PAK1: variants seen among roughly 807,000 people sequenced by gnomAD.
PAK1 encodes serine/threonine-protein kinase PAK 1.
A neutral mutation model predicts 67.4 loss-of-function variants in PAK1; 29 were observed. That is an observed-to-expected ratio of 0.43 (90% CI 0.32 to 0.59). The LOEUF (loss-of-function observed/expected upper bound fraction) is 0.59, where lower values mean the gene tolerates loss of function less well. Ranked by LOEUF, PAK1 falls within the 20% of genes least tolerant of loss-of-function variation. The pLI is 0.07. For missense variants in PAK1, 337 were observed against 670.7 expected, an observed-to-expected ratio of 0.50 and a Z score of 5.50; for synonymous variants, 223 against 237.4, an observed-to-expected ratio of 0.94 and a Z score of 0.56.
chr11:77,522,274 G>A, the PAK1 span, among the ~76,000 whole-genome samples: 1 of 152,180 alleles, frequency 6.6e-6, no homozygotes, highest in Admixed American at 6.5e-5. Context: ...TGGTTCCTGG[G>A]CCTGCTGGAA....
chr11:77,344,877 C>T (rs1178141791), intron 9 of PAK1, among the ~76,000 whole-genome samples: 1 of 152,128 alleles, frequency 6.6e-6, no homozygotes, highest in Admixed American at 6.5e-5. Flanking sequence ...CATGATCTGG[C>T]CCCTACTTTA....
At chr11:77,377,238 G>A (rs1210815648) in intron 4 of PAK1, among the ~76,000 whole-genome samples, 1 of 152,050 alleles carries the variant, frequency 6.6e-6, no homozygotes, top group African/African-American at 2.4e-5. Flanking sequence ...TCACACCACA[G>A]GACTCCAGCA....
At chr11:77,391,709 CA>C (rs1294259167) in intron 2 of PAK1, among the ~76,000 whole-genome samples, 2 of 152,266 alleles carry the variant, frequency 1.3e-5, no homozygotes, top group Non-Finnish European at 1.5e-5. Flanking sequence ...ATTAAATCAA[CA>C]GTGTTAAAAT....
chr11:77,472,508 T>A (rs1458582165), intron 1 of PAK1, among the ~76,000 whole-genome samples: 1 of 152,182 alleles, frequency 6.6e-6, no homozygotes, highest in African/African-American at 2.4e-5. Flanking sequence ...AGTCCGGTGC[T>A]TGCTACTTGC....
chr11:77,491,660 A>G, the PAK1 span, among the ~76,000 whole-genome samples: 1 of 152,256 alleles, frequency 6.6e-6, no homozygotes, highest in Non-Finnish European at 1.5e-5. Context: ...TGCAAGCCTC[A>G]TGATAACCTC....
chr11:77,449,458 T>C (rs1565710947), intron 1 of PAK1, among the ~76,000 whole-genome samples: 1 of 151,728 alleles, frequency 6.6e-6, no homozygotes, highest in African/African-American at 2.4e-5. Context: ...ATAGAGAAAC[T>C]GAAGCCCAGA....
At chr11:77,499,942 C>T in the PAK1 span, among the ~76,000 whole-genome samples, 5 of 152,256 alleles carry the variant, frequency 3.3e-5, no homozygotes, top group East Asian at 1.9e-4. Flanking sequence ...CCAGCATCAG[C>T]GAACACTTCC....
intron 1 of PAK1, among the ~76,000 whole-genome samples, chr11:77,430,961 T>C (rs549129390): frequency 1.8e-4 from 27 of 152,318 alleles, no homozygotes; most frequent in Non-Finnish European, 3.5e-4. Context: ...TAGATTCTGA[T>C]AGGAGCACAA....
intron 13 of PAK1, among the ~76,000 whole-genome samples, chr11:77,333,360 A>G (rs919986072): frequency 6.6e-6 from 1 of 151,384 alleles, no homozygotes; most frequent in Non-Finnish European, 1.5e-5. Flanking sequence ...ACTACACCCG[A>G]CTGCTTTTCG....
chr11:77,347,199 T>A, intron 9 of PAK1: 1 of 405,986 alleles, frequency 2.5e-6, no homozygotes, highest in Non-Finnish European at 4.9e-6. Context: ...TTCTCTTTCC[T>A]CTGGCCAGCT....
At chr11:77,524,968 CAAATT>C in the PAK1 span, among the ~76,000 whole-genome samples, 1 of 152,238 alleles carries the variant, frequency 6.6e-6, no homozygotes, top group East Asian at 1.9e-4. Context: ...GACTTACAAA[CAAATT>C]AAAGACAAAA....
At chr11:77,478,053 C>G (rs1958078229), upstream of PAK1, among the ~76,000 whole-genome samples, 1 of 152,186 alleles carries the variant, frequency 6.6e-6, no homozygotes. Flanking sequence ...GTAAGCTATT[C>G]CAGGGTGCAC....
chr11:77,434,899 A>G (rs1318838351), intron 1 of PAK1, among the ~76,000 whole-genome samples: 1 of 152,022 alleles, frequency 6.6e-6, no homozygotes, highest in Non-Finnish European at 1.5e-5. Context: ...GATTACAGAC[A>G]TAAGCCACCA....
intron 8 of PAK1, among the ~76,000 whole-genome samples, chr11:77,352,638 T>G (rs986158216): frequency 1.3e-4 from 20 of 152,190 alleles, no homozygotes; most frequent in African/African-American, 3.9e-4. Flanking sequence ...CAACTTCCAG[T>G]CCTACAAGCT....
intron 9 of PAK1, among the ~76,000 whole-genome samples, chr11:77,344,266 A>C (rs1224944028): frequency 1.3e-5 from 2 of 152,254 alleles, no homozygotes; most frequent in Non-Finnish European, 2.9e-5. Context: ...AATACTTTTA[A>C]AAAGTCACAA....
At chr11:77,475,663 G>A (rs1958050979), upstream of PAK1, 1 of 152,156 alleles carries the variant, frequency 6.6e-6, no homozygotes. Context: ...GAGCTCAAAT[G>A]TCATTCATAT....
intron 7 of PAK1, among the ~76,000 whole-genome samples, chr11:77,354,641 GT>G (rs1945757257): frequency 1.3e-5 from 2 of 152,206 alleles, no homozygotes; most frequent in African/African-American, 2.4e-5. Context: ...GACTAGGTAA[GT>G]GGCTTTTCTT....
At chr11:77,505,345 G>A in the PAK1 span, among the ~76,000 whole-genome samples, 3 of 152,162 alleles carry the variant, frequency 2.0e-5, no homozygotes, top group South Asian at 4.2e-4. Flanking sequence ...CTGCCATCAG[G>A]CCCAGCTAAT....
chr11:77,367,041 C>A (rs536207867), intron 5 of PAK1, among the ~76,000 whole-genome samples: 1 of 152,290 alleles, frequency 6.6e-6, no homozygotes, highest in Admixed American at 6.5e-5. Flanking sequence ...CATACTGATA[C>A]ATGTTACAAC....
Sources: allele counts gnomAD v4.1 joint callset (sites outside exome capture counted in the v4.1 genomes callset), GRCh38; gene constraint gnomAD v4.1.1; transcripts MANE v1.5; gene names NCBI Gene and HGNC (gene_info 2026-07-23, HGNC 2026-07-21).